Variants in CR1L observed in about 807,000 individuals in gnomAD.
CR1L encodes complement component receptor 1-like protein.
In CR1L, 59 loss-of-function variants were observed where a neutral mutation model predicts 62.3. The ratio of observed to expected loss-of-function variants is 0.95; its 90% confidence interval spans 0.77 to 1.18. The LOEUF (loss-of-function observed/expected upper bound fraction) is 1.18. Ranked by LOEUF, CR1L falls within the 50% of genes most tolerant of loss-of-function variation. CR1L has a pLI of 0.00. For synonymous variants in CR1L, 279 were observed against 248.7 expected (o/e 1.12, Z -1.15); for missense variants, 700 against 702.8 (o/e 1.00, Z 0.04).
At chr1:207,719,737 C>A (rs562719376) in intron 11 of CR1L, among the ~76,000 whole-genome samples, 13 of 151,904 alleles carry the variant, frequency 8.6e-5, no homozygotes, top group Non-Finnish European at 2.9e-5. Flanking sequence ...CACACACACA[C>A]GCACACACAC....
At chr1:207,680,414 T>C (rs1168054062) in intron 3 of CR1L, among the ~76,000 whole-genome samples, 1 of 152,202 alleles carries the variant, frequency 6.6e-6, no homozygotes. Context: ...TCTCAATATC[T>C]TGAGTTTGAT....
intron 4 of CR1L, among the ~76,000 whole-genome samples, chr1:207,687,134 T>C (rs1663924270): frequency 6.6e-6 from 1 of 152,260 alleles, no homozygotes; most frequent in Non-Finnish European, 1.5e-5. Flanking sequence ...ATTTTCTTTC[T>C]TGTAATGTCC....
rs12087305 is a variant in CR1L, at chr1:207,700,548, C to G, written c.1229-971C>G. Among the ~76,000 whole-genome samples, 918 of 152,290 alleles carry G rather than the reference C, an allele frequency of 6.0e-3. 6 individuals carry two copies. Among genetic ancestry groups the G allele is most frequent in the African/African-American group, 0.021 (865 of 41,564 alleles). On this transcript the variant is annotated intron_variant, in intron 8 of 11. Coordinates refer to ENST00000508064, the MANE Select transcript of CR1L (RefSeq NM_175710.2). ...AAAGTAAAAAAAGAAAATAAATCAT[C>G]AACAGACCTTGACATTTTCAAAAGC...
chr1:207,695,948 C>T (rs1288396870), intron 5 of CR1L, among the ~76,000 whole-genome samples: 1 of 152,212 alleles, frequency 6.6e-6, no homozygotes. Flanking sequence ...TCCTCCAACA[C>T]TGGGAATTAC....
intron 10 of CR1L, among the ~76,000 whole-genome samples, chr1:207,711,852 T>C (rs1239895573): frequency 5.4e-5 from 8 of 149,012 alleles, no homozygotes. Context: ...TGAGCTAAGA[T>C]CACACGACTG....
chr1:207,660,546 T>A (rs1663403486), intron 1 of CR1L, among the ~76,000 whole-genome samples: 1 of 152,244 alleles, frequency 6.6e-6, no homozygotes, highest in African/African-American at 2.4e-5. Flanking sequence ...TTCTTCTTTA[T>A]TAGTCTTGCT....
chr1:207,697,846 C>A lies in CR1L; in HGVS notation c.1115C>A (p.Ala372Glu). ...VLFPLNLQLG[A>E]KVDFVCDEGF... is the part of the protein sequence containing the mutation. Reference sequence around the variant, plus strand: ...TTTCCACTTAATCTCCAGCTTGGAGCAAAAGTGGATTTTGTTTGTGATGAA... The same window carrying A: ...TTTCCACTTAATCTCCAGCTTGGAGAAAAAGTGGATTTTGTTTGTGATGAA... Residue 372 changes from alanine to glutamate, a missense_variant, in exon 7 of 12, where the codon GCA becomes GAA. Transcript: ENST00000508064. 1 of 1,613,840 alleles carries A rather than the reference C, an allele frequency of 6.2e-7. No homozygotes were observed.
intron 1 of CR1L, among the ~76,000 whole-genome samples, chr1:207,671,857 G>T (rs1187906035): frequency 6.6e-6 from 1 of 150,772 alleles, no homozygotes; most frequent in South Asian, 2.1e-4. Context: ...GGAGGCAGAG[G>T]TTGCAGTGAG....
At chr1:207,680,288 A>G (rs1401579066) in intron 3 of CR1L, among the ~76,000 whole-genome samples, 1 of 151,558 alleles carries the variant, frequency 6.6e-6, no homozygotes, top group Non-Finnish European at 1.5e-5. Context: ...CACAAAGTCT[A>G]TTTTTTTTTA....
intron 1 of CR1L, among the ~76,000 whole-genome samples, chr1:207,659,608 C>T (rs574314071): frequency 9.8e-5 from 15 of 152,334 alleles, no homozygotes; most frequent in South Asian, 6.2e-4. Context: ...CAGGTGATTT[C>T]TGCATTTCCA....
In CR1L at chr1:207,648,657, C is replaced by T. The variant is rs186764500; in HGVS notation, c.97+3327C>T. Among the ~76,000 whole-genome samples the T allele has an allele frequency of 3.5e-4, 54 of 152,242 alleles. 1 individual carries two copies. In the East Asian group the frequency reaches 7.3e-3, roughly 21 times the overall value. The stretch of plus-strand genomic sequence containing the variant: ...GAGCTGCTTTTTTGGACAAAACCCC[C>T]GATCTCCTGTTGTGTGTGGTCTCTT... On this transcript the variant is annotated intron_variant, in intron 1 of 11. Transcript: ENST00000508064.
Position 207,717,480 on chromosome 1 carries a change from T to C in CR1L, c.1431T>C (p.Asn477=). Residue 477 remains asparagine (N), a synonymous_variant, in exon 11 of 12, where the codon AAT becomes AAC. Coordinates refer to ENST00000508064, the MANE Select transcript of CR1L (RefSeq NM_175710.2). ...TCTTTCTAGAAATCTTTTGTCCAAATCCTCCAGCTATCCTTAATGGGAGAC... is the reference window on the plus strand; with the variant it reads ...TCTTTCTAGAAATCTTTTGTCCAAACCCTCCAGCTATCCTTAATGGGAGAC... ...PPICQQIFCP[N]PPAILNGRHT... is the part of the protein sequence containing the mutation. 1 of 1,613,600 alleles carries C rather than the reference T, an allele frequency of 6.2e-7. No homozygotes were observed. Among genetic ancestry groups the C allele is most frequent in the Non-Finnish European group, 8.5e-7 (1 of 1,179,584 alleles).
At chr1:207,706,379 C>A (rs761647698) in intron 9 of CR1L, among the ~76,000 whole-genome samples, 12 of 151,790 alleles carry the variant, frequency 7.9e-5, no homozygotes, top group Non-Finnish European at 1.3e-4. Flanking sequence ...CGTGATGGCA[C>A]CCCTGCACTC....
intron 1 of CR1L, among the ~76,000 whole-genome samples, chr1:207,668,388 GATATT>G (rs1209277918): frequency 1.3e-5 from 2 of 151,016 alleles, no homozygotes; most frequent in African/African-American, 5.0e-5. Flanking sequence ...GAATCTAGGG[GATATT>G]ATATTAAATG....
At chr1:207,649,234 G>A (rs1663184589) in intron 1 of CR1L, among the ~76,000 whole-genome samples, 1 of 152,162 alleles carries the variant, frequency 6.6e-6, no homozygotes, top group East Asian at 1.9e-4. Context: ...AGGGTATTCA[G>A]AGCAGAGGAA....
At chr1:207,660,632 G>A (rs1175553387) in intron 1 of CR1L, among the ~76,000 whole-genome samples, 1 of 152,084 alleles carries the variant, frequency 6.6e-6, no homozygotes, top group Non-Finnish European at 1.5e-5. Flanking sequence ...GGTTTTTTAT[G>A]TCTCTATTTC....
At chr1:207,649,906 G>A (rs892942815) in intron 1 of CR1L, among the ~76,000 whole-genome samples, 1 of 152,112 alleles carries the variant, frequency 6.6e-6, no homozygotes, top group Non-Finnish European at 1.5e-5. Context: ...GTTATGTCGT[G>A]GTAATCCAGA....
intron 11 of CR1L, among the ~76,000 whole-genome samples, chr1:207,722,918 T>C (rs1654170434): frequency 6.6e-6 from 1 of 152,182 alleles, no homozygotes; most frequent in Non-Finnish European, 1.5e-5. Flanking sequence ...TAGAAATAAA[T>C]GCACAATAGA....
chr1:207,662,419 T>A (rs1663440228), intron 1 of CR1L, among the ~76,000 whole-genome samples: 1 of 152,252 alleles, frequency 6.6e-6, no homozygotes, highest in African/African-American at 2.4e-5. Flanking sequence ...TCTGATACCC[T>A]TTCTTCCAGT....
Sources: allele counts gnomAD v4.1 joint callset (sites outside exome capture counted in the v4.1 genomes callset), GRCh38; gene constraint gnomAD v4.1.1; transcripts MANE v1.5; gene names NCBI Gene and HGNC (gene_info 2026-07-23, HGNC 2026-07-21).